Variants in MGAT4C observed in about 807,000 individuals in gnomAD.
MGAT4C encodes alpha-1,3-mannosyl-glycoprotein 4-beta-N-acetylglucosaminyltransferase C.
Under a neutral mutation model 40.1 loss-of-function variants are expected in MGAT4C, and 19 were observed. The observed-to-expected ratio is 0.47, with a 90% CI of 0.33 to 0.70. MGAT4C has a LOEUF of 0.70. MGAT4C is among the 30% of genes least tolerant of loss of function. MGAT4C has a pLI of 0.02. For synonymous variants in MGAT4C, 181 were observed against 187.1 expected, an observed-to-expected ratio of 0.97 and a Z score of 0.27; for missense variants, 491 against 563.2, an observed-to-expected ratio of 0.87 and a Z score of 1.30.
intron 1 of MGAT4C, among the ~76,000 whole-genome samples, chr12:86,054,628 C>G (rs998595242): frequency 6.6e-6 from 1 of 151,788 alleles, no homozygotes; most frequent in African/African-American, 2.4e-5. Flanking sequence ...AGCCATTCCA[C>G]AATGTATATA....
intron 1 of MGAT4C, among the ~76,000 whole-genome samples, chr12:86,155,723 G>T (rs1333763605): frequency 6.6e-6 from 1 of 151,976 alleles, no homozygotes; most frequent in Non-Finnish European, 1.5e-5. Flanking sequence ...ATATAATTTT[G>T]TATTTGTGTA....
In MGAT4C at chr12:86,478,246, A is replaced by T. The variant is rs112974179; in HGVS notation, c.-228-42981T>A. Among the ~76,000 whole-genome samples, 500 of 152,306 alleles carry T rather than the reference A, an allele frequency of 3.3e-3. 2 individuals carry two copies. The highest frequency in any genetic ancestry group is 0.012 in the African/African-American group (483 of 41,584). On this transcript the variant is annotated intron_variant, in intron 2 of 7. Coordinates refer to the MGAT4C transcript ENST00000548651. ...ATTTGTCAGTAAGAATTAGAAAAGT[A>T]GTTGTGATGTTCATGACAATAGGGT...
chr12:86,731,559 C>A (rs537155877), intron 1 of MGAT4C, among the ~76,000 whole-genome samples: 1 of 151,854 alleles, frequency 6.6e-6, no homozygotes, highest in East Asian at 1.9e-4. Flanking sequence ...ATTGTTGTAA[C>A]CTATGAAGTA....
chr12:86,251,285 A>C (rs1280862531), intron 1 of MGAT4C, among the ~76,000 whole-genome samples: 1 of 152,000 alleles, frequency 6.6e-6, no homozygotes, highest in Non-Finnish European at 1.5e-5. Flanking sequence ...AGATTAAAAC[A>C]TACCTGAGAA....
At chr12:86,519,893 T>C (rs1334916062) in intron 2 of MGAT4C, among the ~76,000 whole-genome samples, 1 of 152,184 alleles carries the variant, frequency 6.6e-6, no homozygotes, top group Non-Finnish European at 1.5e-5. Context: ...ATAAGATTTT[T>C]TAGCTTGATG....
chr12:86,555,635 G>A (rs1188468661), intron 2 of MGAT4C, among the ~76,000 whole-genome samples: 1 of 152,144 alleles, frequency 6.6e-6, no homozygotes, highest in Non-Finnish European at 1.5e-5. Flanking sequence ...AGGATCGATT[G>A]TATCTTGAGT....
chr12:86,446,282 T>A, intron 2 of MGAT4C, among the ~76,000 whole-genome samples: 1 of 151,906 alleles, frequency 6.6e-6, no homozygotes, highest in East Asian at 1.9e-4. Context: ...AAAGTTCCAG[T>A]AAAAAAACAA....
At chr12:86,545,048 C>A (rs1352862467) in intron 2 of MGAT4C, among the ~76,000 whole-genome samples, 1 of 151,982 alleles carries the variant, frequency 6.6e-6, no homozygotes, top group Admixed American at 6.6e-5. Flanking sequence ...GCCTTGAACT[C>A]AGAAACATTC....
At chr12:86,136,775 G>A (rs1040103966) in intron 1 of MGAT4C, among the ~76,000 whole-genome samples, 5 of 151,806 alleles carry the variant, frequency 3.3e-5, no homozygotes, top group Admixed American at 1.3e-4. Context: ...TGCAACCTCC[G>A]CCTCCCAGGT....
intron 1 of MGAT4C, among the ~76,000 whole-genome samples, chr12:86,756,227 T>C (rs1951302159): frequency 6.6e-6 from 1 of 152,072 alleles, no homozygotes; most frequent in Admixed American, 6.6e-5. Context: ...TTTTTCTGTG[T>C]GTTCAAAAGG....
intron 2 of MGAT4C, among the ~76,000 whole-genome samples, chr12:86,675,948 T>G (rs1434175492): frequency 7.1e-6 from 1 of 141,650 alleles, no homozygotes; most frequent in African/African-American, 2.6e-5. Context: ...ATTTTTCTAC[T>G]CATTAATCAC....
At chr12:86,190,725 G>T (rs955873481) in intron 1 of MGAT4C, among the ~76,000 whole-genome samples, 1 of 151,846 alleles carries the variant, frequency 6.6e-6, no homozygotes, top group African/African-American at 2.4e-5. Context: ...GACAAATAAC[G>T]TGTCTTTTTT....
At chr12:86,507,615 C>G (rs981173955) in intron 2 of MGAT4C, among the ~76,000 whole-genome samples, 7 of 152,098 alleles carry the variant, frequency 4.6e-5, no homozygotes, top group Admixed American at 2.6e-4. Flanking sequence ...TGGAGCCAAG[C>G]CCAGCTGAAG....
intron 4 of MGAT4C, among the ~76,000 whole-genome samples, chr12:86,290,195 C>CG (rs1953472993): frequency 6.6e-6 from 1 of 152,032 alleles, no homozygotes; most frequent in Non-Finnish European, 1.5e-5. Flanking sequence ...TACAGGCATG[C>CG]GCCACTGTGC....
Position 86,209,278 on chromosome 12 carries a change from T to C in MGAT4C, c.-57+46961A>G, listed in dbSNP as rs1950370657. Among the ~76,000 whole-genome samples, 3 of 152,206 alleles carry C rather than the reference T, an allele frequency of 2.0e-5. No homozygotes were observed. The South Asian group carries it at 6.2e-4, about 32-fold the overall frequency. On this transcript the variant is annotated intron_variant, in intron 1 of 4. Transcript: ENST00000611864. ...AGAATTATATAATTAAAGAATTACA[T>C]TGTGTTAAAGTTGGATACTACCCTT...
chr12:86,390,320 G>A (rs561838998), intron 3 of MGAT4C, among the ~76,000 whole-genome samples: 6 of 152,104 alleles, frequency 3.9e-5, no homozygotes, highest in East Asian at 3.9e-4. Context: ...ATTTTGTTAC[G>A]TACCATAGTT....
chr12:86,481,996 C>T lies in MGAT4C; in HGVS notation c.-228-46731G>A, dbSNP rs137929040. On this transcript the variant is annotated intron_variant, in intron 2 of 7. Transcript: ENST00000548651. Reference sequence around the variant, plus strand: ...TTAGGGCAGCATATATTAAAATATCCCTGATAGTGACAATTTCTAGGTTGT... The same window carrying T: ...TTAGGGCAGCATATATTAAAATATCTCTGATAGTGACAATTTCTAGGTTGT... 3.4e-4 allele frequency among the ~76,000 whole-genome samples: 50 copies of T among 148,572 alleles called. 1 individual carries two copies. The highest frequency in any genetic ancestry group is 1.2e-3 in the African/African-American group (49 of 40,470).
chr12:86,170,895 G>GAGAA (rs1453196802), intron 1 of MGAT4C, among the ~76,000 whole-genome samples: 1 of 151,976 alleles, frequency 6.6e-6, no homozygotes, highest in East Asian at 1.9e-4. Context: ...GCGACAGAGT[G>GAGAA]AGAAAGAAAG....
intron 1 of MGAT4C, among the ~76,000 whole-genome samples, chr12:86,819,446 C>A (rs756838327): frequency 1.3e-5 from 2 of 150,810 alleles, no homozygotes; most frequent in Non-Finnish European, 3.0e-5. Context: ...ATAATTTATT[C>A]TTTCTCTAGA....
Sources: allele counts gnomAD v4.1 joint callset (sites outside exome capture counted in the v4.1 genomes callset), GRCh38; gene constraint gnomAD v4.1.1; transcripts MANE v1.5; gene names NCBI Gene and HGNC (gene_info 2026-07-23, HGNC 2026-07-21).